Variants in MACROD2 observed in about 807,000 individuals in gnomAD.
MACROD2 encodes the protein ADP-ribose glycohydrolase MACROD2.
MACROD2 carries 36 observed loss-of-function variants against 70.4 expected under a neutral mutation model. The observed-to-expected ratio is 0.51, with a 90% CI of 0.39 to 0.68. The LOEUF (loss-of-function observed/expected upper bound fraction) is 0.68, where lower values mean the gene tolerates loss of function less well. Ranked by LOEUF, MACROD2 falls within the 30% of genes least tolerant of loss-of-function variation. The pLI is 0.00. For missense variants in MACROD2, 496 were observed against 538.4 expected (o/e 0.92, Z 0.78); for synonymous variants, 172 against 178.8 (o/e 0.96, Z 0.30).
At chr20:14,292,285 C>A (rs1328726379) in intron 3 of MACROD2, among the ~76,000 whole-genome samples, 2 of 151,752 alleles carry the variant, frequency 1.3e-5, no homozygotes, top group Non-Finnish European at 1.5e-5. Context: ...TAATTTTGTC[C>A]TTGGGAGACA....
At chr20:15,693,065 G>A (rs1253680005) in intron 8 of MACROD2, among the ~76,000 whole-genome samples, 1 of 152,094 alleles carries the variant, frequency 6.6e-6, no homozygotes, top group Admixed American at 6.5e-5. Flanking sequence ...TAAGTTTCCT[G>A]AGGCCTTCCA....
intron 9 of MACROD2, among the ~76,000 whole-genome samples, chr20:15,878,589 A>G (rs2064708925): frequency 1.3e-5 from 2 of 152,238 alleles, no homozygotes; most frequent in Non-Finnish European, 2.9e-5. Flanking sequence ...TGTATTAATT[A>G]TGGTGGCTCT....
At chr20:15,157,349 A>ACCCCCCCCCCCCCCCCCCCCCCC (rs71870874) in intron 5 of MACROD2, among the ~76,000 whole-genome samples, 1 of 109,400 alleles carries the variant, frequency 9.1e-6, no homozygotes, top group Non-Finnish European at 1.9e-5. Flanking sequence ...CTAATTAACC[A>ACCCCCCCCCCCCCCCCCCCCCCC]CCCCCCCCCA....
chr20:14,631,811 T>A (rs1056147774), intron 4 of MACROD2: 2 of 152,158 alleles, frequency 1.3e-5, no homozygotes, highest in Non-Finnish European at 2.9e-5. Flanking sequence ...ATTATATCTT[T>A]AAATTTGTTG....
At chr20:14,918,534 C>T (rs2074120924) in intron 5 of MACROD2, among the ~76,000 whole-genome samples, 1 of 151,900 alleles carries the variant, frequency 6.6e-6, no homozygotes, top group South Asian at 2.1e-4. Context: ...AGAATTGTTA[C>T]TGCTTTATTT....
chr20:15,147,003 T>C (rs899402397), intron 5 of MACROD2, among the ~76,000 whole-genome samples: 2 of 152,180 alleles, frequency 1.3e-5, no homozygotes, highest in Non-Finnish European at 2.9e-5. Flanking sequence ...GGAGCAGTAC[T>C]GGCCCCTAAT....
chr20:14,508,987 A>G (rs1470978900), intron 4 of MACROD2, among the ~76,000 whole-genome samples: 1 of 152,170 alleles, frequency 6.6e-6, no homozygotes, highest in Admixed American at 6.6e-5. Context: ...AAATTTATGT[A>G]TTTGCACTCA....
At chr20:15,152,358 C>T (rs987253025) in intron 5 of MACROD2, among the ~76,000 whole-genome samples, 2 of 150,902 alleles carry the variant, frequency 1.3e-5, no homozygotes, top group South Asian at 4.2e-4. Context: ...AGAGTAGAGA[C>T]ACGGAGAAGA....
intron 5 of MACROD2, among the ~76,000 whole-genome samples, chr20:15,020,981 CAT>C (rs746312161): frequency 1.2e-4 from 17 of 145,126 alleles, no homozygotes; most frequent in East Asian, 8.3e-4. Flanking sequence ...TACATATACA[CAT>C]GTGTGTATAT....
chr20:14,369,781 A>G (rs1396181193), intron 3 of MACROD2, among the ~76,000 whole-genome samples: 2 of 152,166 alleles, frequency 1.3e-5, no homozygotes, highest in Non-Finnish European at 2.9e-5. Context: ...TCTTTACTTC[A>G]TGAAATCTAC....
rs535883030 is a variant in MACROD2 at position 14,709,955 on chromosome 20, G to A, written c.418+24996G>A. ...TTTTAAATGAGAATATTAATTTCATGTTTATAAACATATTTTCTAATTGAT... is the reference window on the plus strand; with the variant it reads ...TTTTAAATGAGAATATTAATTTCATATTTATAAACATATTTTCTAATTGAT... On this transcript the variant is annotated intron_variant, in intron 5 of 17. Coordinates refer to ENST00000684519, the MANE Select transcript of MACROD2 (RefSeq NM_001351661.2). Among the ~76,000 whole-genome samples, 14 of 152,084 alleles carry A rather than the reference G, an allele frequency of 9.2e-5. No homozygotes were observed. In the South Asian group the frequency reaches 2.9e-3, roughly 32 times the overall value.
chr20:15,863,169 C>G (rs2064448112), intron 9 of MACROD2, among the ~76,000 whole-genome samples: 1 of 152,080 alleles, frequency 6.6e-6, no homozygotes, highest in Non-Finnish European at 1.5e-5. Flanking sequence ...GTAAGTTTAC[C>G]AGGCCCCATG....
intron 4 of MACROD2, among the ~76,000 whole-genome samples, chr20:14,618,923 A>G (rs1983639133): frequency 1.3e-5 from 2 of 152,174 alleles, no homozygotes; most frequent in South Asian, 4.1e-4. Flanking sequence ...TCAAATCCTT[A>G]GAACCTTAGT....
intron 5 of MACROD2, among the ~76,000 whole-genome samples, chr20:14,823,226 A>G (rs186322175): frequency 2.6e-5 from 4 of 152,072 alleles, no homozygotes; most frequent in Non-Finnish European, 5.9e-5. Context: ...TAACTTGTTG[A>G]TCTTCTTCAG....
intron 5 of MACROD2, among the ~76,000 whole-genome samples, chr20:15,002,598 A>G (rs534965693): frequency 6.6e-6 from 1 of 152,210 alleles, no homozygotes; most frequent in South Asian, 2.1e-4. Context: ...CAGGGTGGGG[A>G]AAAAGTTAGT....
In MACROD2 at chr20:16,049,821, TG is replaced by T. The variant is rs750876173; in HGVS notation, c.1301-8del. The T allele has an allele frequency of 2.9e-5, 46 of 1,613,408 alleles. No individual in the cohort carries two copies. In the African/African-American group the frequency reaches 5.7e-4, roughly 20 times the overall value. On this transcript the variant is annotated splice_polypyrimidine_tract_variant and splice_region_variant and intron_variant, in intron 17 of 17. Coordinates refer to ENST00000684519, the MANE Select transcript of MACROD2 (RefSeq NM_001351661.2). ...TTTAATCTAACAAATGGCTTCTCTT[TG>T]TCTTCAGCAGGGGCACAAGATGAAG...
chr20:14,591,887 A>G (rs976977704), intron 4 of MACROD2, among the ~76,000 whole-genome samples: 3 of 152,222 alleles, frequency 2.0e-5, no homozygotes, highest in Non-Finnish European at 4.4e-5. Context: ...TCATGTAATT[A>G]TGTAATGAGT....
chr20:15,479,311 C>T (rs1407473851), intron 7 of MACROD2, among the ~76,000 whole-genome samples: 8 of 123,278 alleles, frequency 6.5e-5, no homozygotes, highest in Non-Finnish European at 1.1e-4. Flanking sequence ...CTCGCTCTGT[C>T]GCCCAGGCTG....
chr20:15,043,152 A>G (rs2075367998), intron 5 of MACROD2, among the ~76,000 whole-genome samples: 1 of 152,192 alleles, frequency 6.6e-6, no homozygotes, highest in Non-Finnish European at 1.5e-5. Context: ...GTAAGCCACT[A>G]GGACTCCATG....
Sources: allele counts gnomAD v4.1 joint callset (sites outside exome capture counted in the v4.1 genomes callset), GRCh38; gene constraint gnomAD v4.1.1; transcripts MANE v1.5; gene names NCBI Gene and HGNC (gene_info 2026-07-23, HGNC 2026-07-21).